The following DMD variants were observed in gnomAD, a reference collection of about 807,000 sequenced individuals.
The protein encoded by DMD is dystrophin, also known as mutant dystrophin.
In DMD, 63 loss-of-function variants were observed where a neutral mutation model predicts 330.1. The observed-to-expected ratio is 0.19, with a 90% confidence interval of 0.16 to 0.24. The LOEUF (loss-of-function observed/expected upper bound fraction) is 0.24. Among genes scored for constraint, DMD ranks in the 10% least tolerant of loss-of-function variants. DMD has a pLI of 1.00. For synonymous variants in DMD, 1,223 were observed against 959.8 expected, an observed-to-expected ratio of 1.27 and a Z score of -5.07; for missense variants, 3,344 against 2,684.1, an observed-to-expected ratio of 1.25 and a Z score of -5.43.
At chrX:31,175,889 G>T (rs1231298921) in intron 71 of DMD, among the ~76,000 whole-genome samples, 1 of 111,242 alleles carries the variant, frequency 9.0e-6, no homozygotes, top group Admixed American at 9.6e-5. Flanking sequence ...CAACGTAAAG[G>T]CCTATGTTAG....
chrX:32,882,616 G>A (rs139624476), intron 2 of DMD, among the ~76,000 whole-genome samples: 282 of 112,024 alleles, frequency 2.5e-3, no homozygotes, highest in African/African-American at 8.5e-3. Context: ...AAGGATATTT[G>A]ATCTTCTGGA....
intron 44 of DMD, among the ~76,000 whole-genome samples, chrX:32,173,442 G>A (rs1232825926): frequency 6.3e-5 from 7 of 110,689 alleles, no homozygotes; most frequent in Admixed American, 4.8e-4. Flanking sequence ...GCGCGATCTC[G>A]GCTCACTGCA....
chrX:33,296,229 G>A (rs1342990739), intron 1 of DMD, among the ~76,000 whole-genome samples: 1 of 110,941 alleles, frequency 9.0e-6, no homozygotes, highest in African/African-American at 3.3e-5. Flanking sequence ...CCAAGTTAAA[G>A]TAATCCATTG....
At chrX:31,365,094 C>CAAAA (rs35244488) in intron 60 of DMD, among the ~76,000 whole-genome samples, 9 of 44,117 alleles carry the variant, frequency 2.0e-4, no homozygotes, top group South Asian at 1.5e-3. Flanking sequence ...GACCCCATCT[C>CAAAA]AAAAAAAAAA....
Position 32,327,759 on chromosome X carries a change from T to C in DMD, c.5922+14341A>G, listed in dbSNP as rs747946029. ...AAATTGTTCTATTCTGTCCAGAAAA[T>C]TTACAAGTTTTAACTCTAAAAACTC... On this transcript the variant is annotated intron_variant, in intron 41 of 78. Transcript: ENST00000357033. 4.5e-5 allele frequency among the ~76,000 whole-genome samples: 5 copies of C among 111,131 alleles called. No individual in the cohort carries two copies. In the South Asian group the frequency reaches 1.5e-3, roughly 33 times the overall value.
chrX:31,922,778 G>A (rs759851254), intron 47 of DMD, among the ~76,000 whole-genome samples: 10 of 111,757 alleles, frequency 8.9e-5, no homozygotes, highest in Non-Finnish European at 1.7e-4. Flanking sequence ...CATACACAGC[G>A]TAACATTTCA....
intron 55 of DMD, among the ~76,000 whole-genome samples, chrX:31,514,007 T>A (rs2071926768): frequency 8.9e-6 from 1 of 112,151 alleles, no homozygotes; most frequent in African/African-American, 3.2e-5. Flanking sequence ...TCAAGTTTAG[T>A]TGTTGGTGGT....
At chrX:32,587,064 C>G (rs188500981) in intron 13 of DMD, among the ~76,000 whole-genome samples, 26 of 111,211 alleles carry the variant, frequency 2.3e-4, no homozygotes, top group African/African-American at 8.5e-4. Flanking sequence ...ACTTCTATTT[C>G]TTAATTTGAT....
At chrX:33,009,937 T>C (rs1308617851) in intron 2 of DMD, among the ~76,000 whole-genome samples, 1 of 57,211 alleles carries the variant, frequency 1.7e-5, no homozygotes, top group Non-Finnish European at 3.2e-5. Flanking sequence ...CACATGTGTG[T>C]ATATACACGT....
intron 54 of DMD, among the ~76,000 whole-genome samples, chrX:31,652,461 T>C (rs2080512969): frequency 8.9e-6 from 1 of 112,023 alleles, no homozygotes; most frequent in African/African-American, 3.2e-5. Flanking sequence ...TGGGCCTACC[T>C]AGCACAAACT....
chrX:32,529,312 G>A (rs767664562), intron 17 of DMD, among the ~76,000 whole-genome samples: 1 of 105,076 alleles, frequency 9.5e-6, no homozygotes, highest in South Asian at 4.4e-4. Context: ...ACCACCTTGG[G>A]CACATGTCGT....
intron 11 of DMD, among the ~76,000 whole-genome samples, chrX:32,628,869 T>A: frequency 8.9e-6 from 1 of 112,197 alleles, no homozygotes; most frequent in East Asian, 2.8e-4. Context: ...TCAGTTGTGA[T>A]CAGAAAAGCT....
At chrX:31,916,365 T>A (rs1235093887) in intron 47 of DMD, among the ~76,000 whole-genome samples, 1 of 112,180 alleles carries the variant, frequency 8.9e-6, no homozygotes, top group African/African-American at 3.2e-5. Context: ...AACTGATATA[T>A]AGGGGAAAGC....
At chrX:32,323,397 C>T (rs2097631435) in intron 41 of DMD, among the ~76,000 whole-genome samples, 1 of 111,402 alleles carries the variant, frequency 9.0e-6, no homozygotes, top group Non-Finnish European at 1.9e-5. Flanking sequence ...AGGAAATACA[C>T]CTTGTGTCGT....
chrX:32,149,602 G>C (rs748359619), intron 44 of DMD, among the ~76,000 whole-genome samples: 2 of 111,801 alleles, frequency 1.8e-5, no homozygotes, highest in East Asian at 5.6e-4. Flanking sequence ...AGTGTTTGCT[G>C]ACTAAAGATT....
intron 2 of DMD, among the ~76,000 whole-genome samples, chrX:32,853,908 C>T (rs1255652738): frequency 1.8e-5 from 2 of 110,199 alleles, no homozygotes; most frequent in Non-Finnish European, 3.8e-5. Context: ...TCGATAGCAA[C>T]CAAAAAAGAA....
At position 32,892,432 on chromosome X, in the gene DMD, T is replaced by G. The variant is rs752311791; in HGVS notation, c.94-42612A>C. On this transcript the variant is annotated intron_variant, in intron 2 of 78. Transcript: ENST00000357033. ...CTTTGAGACAGAGTTCTACTCTTTTTGCCCAGGCTGGAGCGCAACGGTGCG... is the reference window on the plus strand; with the variant it reads ...CTTTGAGACAGAGTTCTACTCTTTTGGCCCAGGCTGGAGCGCAACGGTGCG... Among the ~76,000 whole-genome samples the G allele has an allele frequency of 3.6e-5, 4 of 112,364 alleles. No individual in the cohort carries two copies. The South Asian group carries it at 1.5e-3, about 41-fold the overall frequency.
intron 1 of DMD, among the ~76,000 whole-genome samples, chrX:33,268,397 C>G (rs2053086907): frequency 9.0e-6 from 1 of 111,657 alleles, no homozygotes; most frequent in African/African-American, 3.3e-5. Context: ...AAGAAACTAT[C>G]AACAAAGTAA....
At chrX:32,226,146 C>A (rs2147934957) in intron 43 of DMD, among the ~76,000 whole-genome samples, 1 of 111,727 alleles carries the variant, frequency 9.0e-6, no homozygotes, top group East Asian at 2.8e-4. Context: ...CATATTCCAA[C>A]TCATCTCTCC....
Sources: allele counts gnomAD v4.1 joint callset (sites outside exome capture counted in the v4.1 genomes callset), GRCh38; gene constraint gnomAD v4.1.1; transcripts MANE v1.5; gene names NCBI Gene and HGNC (gene_info 2026-07-23, HGNC 2026-07-21).